Variants in STXBP5L observed in about 807,000 individuals in gnomAD.
STXBP5L encodes syntaxin binding protein 5L.
Under a neutral mutation model 144.5 loss-of-function variants are expected in STXBP5L, and 65 were observed. The observed-to-expected ratio is 0.45, with a 90% CI of 0.37 to 0.55. The LOEUF (loss-of-function observed/expected upper bound fraction) is 0.55. Among genes scored for constraint, STXBP5L ranks in the 20% least tolerant of loss-of-function variants. The pLI is 0.00. For synonymous variants in STXBP5L, 505 were observed against 469.6 expected, an observed-to-expected ratio of 1.08 and a Z score of -0.97; for missense variants, 1,298 against 1,405.5, an observed-to-expected ratio of 0.92 and a Z score of 1.22.
chr3:121,228,528 T>C (rs533316661), intron 11 of STXBP5L, among the ~76,000 whole-genome samples: 4 of 152,328 alleles, frequency 2.6e-5, no homozygotes, highest in African/African-American at 9.6e-5. Context: ...GGATGGTTGT[T>C]AAACACATTT....
chr3:121,309,255 G>C (rs2043446125), intron 19 of STXBP5L, among the ~76,000 whole-genome samples: 1 of 152,020 alleles, frequency 6.6e-6, no homozygotes, highest in Non-Finnish European at 1.5e-5. Flanking sequence ...TGCTGTTTAT[G>C]AGAGAGATTT....
intron 18 of STXBP5L, among the ~76,000 whole-genome samples, chr3:121,270,021 T>C (rs1477512881): frequency 6.6e-6 from 1 of 152,212 alleles, no homozygotes; most frequent in African/African-American, 2.4e-5. Context: ...CGTTTCAGTT[T>C]AAGAATTTTT....
intron 6 of STXBP5L, among the ~76,000 whole-genome samples, chr3:121,118,615 A>T (rs946720429): frequency 3.3e-5 from 5 of 151,684 alleles, no homozygotes. Context: ...GCAGATCTCA[A>T]TCAAATCTAT....
chr3:121,282,693 A>G (rs1287761611), intron 19 of STXBP5L, among the ~76,000 whole-genome samples: 1 of 152,040 alleles, frequency 6.6e-6, no homozygotes, highest in Non-Finnish European at 1.5e-5. Flanking sequence ...TAATAAGTTA[A>G]TGCTTTCTTA....
intron 3 of STXBP5L, among the ~76,000 whole-genome samples, chr3:120,980,671 C>T (rs767802881): frequency 2.6e-5 from 4 of 152,146 alleles, no homozygotes; most frequent in African/African-American, 7.2e-5. Context: ...CAATCTATAT[C>T]TTTCAAGTTA....
chr3:121,341,990 A>G (rs545074950), intron 20 of STXBP5L, among the ~76,000 whole-genome samples: 1 of 152,046 alleles, frequency 6.6e-6, no homozygotes, highest in Non-Finnish European at 1.5e-5. Flanking sequence ...TAAATAATAT[A>G]ATTGGACTTT....
At chr3:120,998,947 G>C (rs1365817695) in intron 3 of STXBP5L, among the ~76,000 whole-genome samples, 1 of 152,130 alleles carries the variant, frequency 6.6e-6, no homozygotes, top group Non-Finnish European at 1.5e-5. Flanking sequence ...TGAATTTCTT[G>C]ATTTCTGCTT....
intron 19 of STXBP5L, among the ~76,000 whole-genome samples, chr3:121,301,114 T>C (rs1461513946): frequency 1.3e-5 from 2 of 152,194 alleles, no homozygotes; most frequent in Non-Finnish European, 2.9e-5. Context: ...GGGGATGGCA[T>C]TGAATCTATA....
intron 18 of STXBP5L, among the ~76,000 whole-genome samples, chr3:121,259,750 G>T (rs1162020449): frequency 1.3e-5 from 2 of 149,852 alleles, no homozygotes; most frequent in Admixed American, 6.7e-5. Flanking sequence ...TTAGTTTTGG[G>T]TCACATTATA....
chr3:121,150,906 G>T (rs145224068), intron 7 of STXBP5L, among the ~76,000 whole-genome samples: 166 of 152,006 alleles, frequency 1.1e-3, no homozygotes, highest in African/African-American at 3.8e-3. Flanking sequence ...TGGCCAACGT[G>T]GTGAAACCCC....
chr3:121,088,190 C>T (rs549887235), intron 5 of STXBP5L, among the ~76,000 whole-genome samples: 69 of 144,396 alleles, frequency 4.8e-4, no homozygotes, highest in Non-Finnish European at 3.0e-4. Context: ...GCAACCTACT[C>T]ATCTGACAAA....
chr3:121,289,005 A>T (rs2051325593), intron 19 of STXBP5L, among the ~76,000 whole-genome samples: 2 of 151,632 alleles, frequency 1.3e-5, no homozygotes, highest in South Asian at 4.2e-4. Context: ...GGATTTTAAA[A>T]ATACCTACCA....
intron 14 of STXBP5L, among the ~76,000 whole-genome samples, chr3:121,243,828 G>C (rs554792737): frequency 1.3e-5 from 2 of 152,082 alleles, no homozygotes; most frequent in Admixed American, 1.3e-4. Context: ...GCATTCCTAC[G>C]TGTGAAGTTA....
chr3:121,421,733 A>G lies in STXBP5L; in HGVS notation c.*2636A>G, dbSNP rs2047356950. On this transcript the variant is annotated 3_prime_UTR_variant, in exon 27 of 27. Transcript: ENST00000471454. ...GAATATTTTAAGGCACACAGAGAAA[A>G]TATCAAAAAGGACATTATAGCATTT... 6.6e-6 allele frequency: 1 copy of G among 152,222 alleles called. No individual in the cohort carries two copies. Among genetic ancestry groups the G allele is most frequent in the African/African-American group, 2.4e-5 (1 of 41,462 alleles). 9.4% of individuals were successfully genotyped at this position (152,222 alleles called of 1,614,324 possible). A position where few individuals can be genotyped will look rare whatever the true frequency, so the allele number is the denominator to read the frequency against.
chr3:121,096,494 T>G (rs960832499), intron 5 of STXBP5L, among the ~76,000 whole-genome samples: 1 of 152,178 alleles, frequency 6.6e-6, no homozygotes, highest in African/African-American at 2.4e-5. Context: ...TTCATGGATT[T>G]ATCTACTTTT....
intron 20 of STXBP5L, among the ~76,000 whole-genome samples, chr3:121,345,162 C>A (rs2044904569): frequency 6.6e-6 from 1 of 151,934 alleles, no homozygotes; most frequent in African/African-American, 2.4e-5. Flanking sequence ...CTCCCGCAGC[C>A]CCCCACTCCC....
intron 19 of STXBP5L, among the ~76,000 whole-genome samples, chr3:121,302,459 G>A (rs554994579): frequency 1.5e-4 from 23 of 152,038 alleles, no homozygotes; most frequent in African/African-American, 4.8e-4. Context: ...TCTTGCTAGC[G>A]GTCTATCAAT....
intron 11 of STXBP5L, among the ~76,000 whole-genome samples, chr3:121,229,136 C>T (rs2049219219): frequency 1.3e-5 from 2 of 152,182 alleles, no homozygotes; most frequent in African/African-American, 4.8e-5. Context: ...TATACTTCCT[C>T]TTTCTTCTTA....
chr3:120,999,778 A>C (rs1201907940), intron 3 of STXBP5L, among the ~76,000 whole-genome samples: 1 of 152,082 alleles, frequency 6.6e-6, no homozygotes, highest in East Asian at 1.9e-4. Context: ...GATGGTAACA[A>C]ATTTTCTTAG....
Sources: allele counts gnomAD v4.1 joint callset (sites outside exome capture counted in the v4.1 genomes callset), GRCh38; gene constraint gnomAD v4.1.1; transcripts MANE v1.5; gene names NCBI Gene and HGNC (gene_info 2026-07-23, HGNC 2026-07-21).